Variants in PDE4D observed in about 807,000 individuals in gnomAD.
The protein encoded by PDE4D is 3',5'-cyclic-AMP phosphodiesterase 4D.
PDE4D carries 24 observed loss-of-function variants against 87.4 expected under a neutral mutation model. The ratio of observed to expected loss-of-function variants is 0.27; its 90% CI spans 0.20 to 0.39. The LOEUF is 0.39. Ranked by LOEUF, PDE4D falls within the 10% of genes least tolerant of loss-of-function variation. PDE4D has a pLI of 1.00. For synonymous variants in PDE4D, 384 were observed against 383.2 expected (o/e 1.00, Z -0.02); for missense variants, 714 against 1,041.0 (o/e 0.69, Z 4.32).
chr5:59,657,724 C>T (rs1744600695), intron 1 of PDE4D, among the ~76,000 whole-genome samples: 1 of 152,144 alleles, frequency 6.6e-6, no homozygotes, highest in East Asian at 1.9e-4. Flanking sequence ...CTTCTTCAAA[C>T]TAGTTCACAC....
intron 1 of PDE4D, among the ~76,000 whole-genome samples, chr5:59,464,736 G>A (rs1386555251): frequency 1.3e-5 from 2 of 152,102 alleles, no homozygotes; most frequent in African/African-American, 4.8e-5. Flanking sequence ...CAGGTGTGGA[G>A]GGGCAACCCA....
intron 6 of PDE4D, among the ~76,000 whole-genome samples, chr5:59,032,172 A>G (rs888709026): frequency 1.3e-5 from 2 of 152,242 alleles, no homozygotes; most frequent in South Asian, 4.1e-4. Context: ...TGATGTACAC[A>G]TTTTAAAAAT....
At chr5:59,120,420 T>C (rs151158739) in intron 5 of PDE4D, among the ~76,000 whole-genome samples, 66 of 152,278 alleles carry the variant, frequency 4.3e-4, no homozygotes, top group Non-Finnish European at 7.3e-4. Flanking sequence ...GAATCAAGTC[T>C]ATGTGTCAGG....
intron 3 of PDE4D, among the ~76,000 whole-genome samples, chr5:59,918,095 T>C (rs1419953834): frequency 6.6e-6 from 1 of 152,014 alleles, no homozygotes; most frequent in East Asian, 1.9e-4. Context: ...AATAGTATTA[T>C]ATTTAATAAT....
intron 6 of PDE4D, among the ~76,000 whole-genome samples, chr5:59,029,468 AGATCTATACACTGG>A (rs1756927025): frequency 6.6e-6 from 1 of 151,870 alleles, no homozygotes; most frequent in Admixed American, 6.6e-5. Context: ...ACAAGGTGAA[AGATCTATACACTGG>A]AAACTACAAG....
intron 1 of PDE4D, among the ~76,000 whole-genome samples, chr5:59,333,914 C>A (rs1363470615): frequency 6.6e-6 from 1 of 151,758 alleles, no homozygotes; most frequent in African/African-American, 2.4e-5. Context: ...ATATAATATA[C>A]TATAATAAAA....
At chr5:59,528,976 A>C in intron 1 of PDE4D, 1 of 455,064 alleles carries the variant, frequency 2.2e-6, no homozygotes, top group Non-Finnish European at 4.4e-6. Context: ...ACGGTTGGCC[A>C]TAAGAGCCCA....
intron 1 of PDE4D, among the ~76,000 whole-genome samples, chr5:59,836,848 T>A (rs1742194716): frequency 6.6e-6 from 1 of 151,972 alleles, no homozygotes; most frequent in Non-Finnish European, 1.5e-5. Flanking sequence ...AGAAGTCACA[T>A]CCACACTGGA....
At chr5:60,437,130 A>G (rs1361133727) in intron 1 of PDE4D, among the ~76,000 whole-genome samples, 1 of 151,926 alleles carries the variant, frequency 6.6e-6, no homozygotes, top group Non-Finnish European at 1.5e-5. Flanking sequence ...TATCTACTCT[A>G]TCTGGTTGTT....
intron 1 of PDE4D, among the ~76,000 whole-genome samples, chr5:60,409,531 T>TATC (rs745735926): frequency 1.8e-3 from 271 of 152,150 alleles, no homozygotes; most frequent in African/African-American, 5.4e-3. Flanking sequence ...ATGGTTACTT[T>TATC]ATCATCATCA....
At chr5:60,006,672 C>G (rs1490009123) in intron 2 of PDE4D, among the ~76,000 whole-genome samples, 1 of 151,978 alleles carries the variant, frequency 6.6e-6, no homozygotes, top group Non-Finnish European at 1.5e-5. Flanking sequence ...TTATGTGGCA[C>G]TGCTCCATAA....
chr5:59,565,875 G>A (rs1231987693), intron 1 of PDE4D, among the ~76,000 whole-genome samples: 1 of 152,204 alleles, frequency 6.6e-6, no homozygotes, highest in Admixed American at 6.5e-5. Flanking sequence ...TACATGAGTA[G>A]TGGGGAGACA....
At chr5:60,502,015 C>T (rs1050689042) in intron 1 of PDE4D, among the ~76,000 whole-genome samples, 1 of 152,038 alleles carries the variant, frequency 6.6e-6, no homozygotes, top group South Asian at 2.1e-4. Flanking sequence ...AATTAGATCC[C>T]ATTTGTCAAT....
intron 1 of PDE4D, among the ~76,000 whole-genome samples, chr5:60,414,439 TA>T (rs949214739): frequency 2.0e-5 from 3 of 152,106 alleles, no homozygotes; most frequent in Non-Finnish European, 4.4e-5. Context: ...TACTTAAAAA[TA>T]AAATCAAATT....
chr5:58,969,234 C>G lies in PDE4D; in HGVS notation c.*5430G>C, dbSNP rs1424614219. On this transcript the variant is annotated 3_prime_UTR_variant, in exon 15 of 15. Transcript: ENST00000340635. ...TGGAGCTGTGGTCTGGTGGGAGAGACAGATAACAAAAACAAACACGTATAT... is the reference window on the plus strand; with the variant it reads ...TGGAGCTGTGGTCTGGTGGGAGAGAGAGATAACAAAAACAAACACGTATAT... The G allele has an allele frequency of 6.6e-6, 1 of 152,058 alleles. No homozygotes were observed. The highest frequency in any genetic ancestry group is 2.4e-5 in the African/African-American group (1 of 41,400). 9.4% of individuals were successfully genotyped at this position (152,058 alleles called of 1,614,324 possible).
At chr5:59,338,482 T>C (rs531513454) in intron 1 of PDE4D, among the ~76,000 whole-genome samples, 96 of 152,362 alleles carry the variant, frequency 6.3e-4, no homozygotes, top group South Asian at 2.1e-4. Flanking sequence ...TTAGGAATCA[T>C]GTGCATGTCC....
intron 2 of PDE4D, among the ~76,000 whole-genome samples, chr5:60,064,152 AAAT>A (rs1771791958): frequency 2.6e-5 from 4 of 152,118 alleles, no homozygotes; most frequent in African/African-American, 7.2e-5. Context: ...AATCAGATAA[AAAT>A]AATAAATCTA....
In PDE4D at chr5:59,935,687, G is replaced by C. The variant is rs139737969; in HGVS notation, c.272+52801C>G. Reference sequence around the variant, plus strand: ...TATTGCTAAAACCAACTATATCCTTGTTACTTAAAGAGTAGTCTGAGGACC... The same window carrying C: ...TATTGCTAAAACCAACTATATCCTTCTTACTTAAAGAGTAGTCTGAGGACC... On this transcript the variant is annotated intron_variant, in intron 3 of 16. Transcript: ENST00000502484. Among the ~76,000 whole-genome samples, 7 of 152,236 alleles carry C rather than the reference G, an allele frequency of 4.6e-5. No individual in the cohort carries two copies. The East Asian group carries it at 1.4e-3, about 29-fold the overall frequency.
chr5:59,210,086 A>G lies in PDE4D; in HGVS notation c.647+5691T>C, dbSNP rs181498272. On this transcript the variant is annotated intron_variant, in intron 2 of 14. Transcript: ENST00000340635. ...GGGGAAGAGATGATTTGGCCATGGTAGCTTTCTTTCTGTGGTTAATGGAAG... is the reference window on the plus strand; with the variant it reads ...GGGGAAGAGATGATTTGGCCATGGTGGCTTTCTTTCTGTGGTTAATGGAAG... Among the ~76,000 whole-genome samples the G allele has an allele frequency of 2.2e-3, 341 of 152,334 alleles. 1 individual carries two copies. The highest frequency in any genetic ancestry group is 7.9e-3 in the African/African-American group (329 of 41,574).
Sources: allele counts gnomAD v4.1 joint callset (sites outside exome capture counted in the v4.1 genomes callset), GRCh38; gene constraint gnomAD v4.1.1; transcripts MANE v1.5; gene names NCBI Gene and HGNC (gene_info 2026-07-23, HGNC 2026-07-21).